ADAP1: variants seen among roughly 807,000 people sequenced by gnomAD.
ADAP1 encodes the protein ArfGAP with dual PH domains 1, also known as arf-GAP with dual PH domain-containing protein 1.
A neutral mutation model predicts 54.9 loss-of-function variants in ADAP1; 31 were observed. The observed-to-expected ratio is 0.56, with a 90% confidence interval of 0.42 to 0.76. The LOEUF (loss-of-function observed/expected upper bound fraction) is 0.76, where lower values mean the gene tolerates loss of function less well. ADAP1 is among the 30% of genes least tolerant of loss of function. The pLI, the probability that ADAP1 is intolerant of heterozygous loss-of-function variation, is 0.00. For synonymous variants in ADAP1, 313 were observed against 202.6 expected, an observed-to-expected ratio of 1.55 and a Z score of -4.63; for missense variants, 535 against 512.4, an observed-to-expected ratio of 1.04 and a Z score of -0.42.
chr7:945,670 C>G lies in ADAP1; in HGVS notation c.82+8726G>C. ...CAGCCCCCACAAACATCCAGGCTGC[C>G]AGCACCGTCTCCAGGAGCTGCCTCC... is the stretch of plus-strand genomic sequence containing the variant. On this transcript the variant is annotated intron_variant, in intron 1 of 10. Transcript: ENST00000265846. The surrounding 1 kb of genome is among the most constrained non-coding windows in gnomAD (Gnocchi z 4.2). 1.1e-6 allele frequency: 1 copy of G among 927,450 alleles called. No homozygotes were observed. The highest frequency in any genetic ancestry group is 1.3e-6 in the Non-Finnish European group (1 of 776,930). 57.5% of individuals were successfully genotyped at this position (927,450 alleles called of 1,614,324 possible). A position where few individuals can be genotyped will look rare whatever the true frequency, so the allele number is the denominator to read the frequency against.
intron 4 of ADAP1, among the ~76,000 whole-genome samples, chr7:918,341 C>T (rs767449661): frequency 1.1e-4 from 16 of 152,214 alleles, no homozygotes; most frequent in Non-Finnish European, 2.2e-4. Context: ...CTCAGCCTCC[C>T]GAGCAGCTGG....
intron 1 of ADAP1, among the ~76,000 whole-genome samples, chr7:942,520 G>A (rs866470971): frequency 3.1e-3 from 199 of 64,820 alleles, no homozygotes; most frequent in African/African-American, 0.01. Context: ...AAGGGAGAGA[G>A]GAGGAGGAAG....
At chr7:951,882 G>A (rs1321600169) in intron 1 of ADAP1, among the ~76,000 whole-genome samples, 1 of 152,208 alleles carries the variant, frequency 6.6e-6, no homozygotes, top group African/African-American at 2.4e-5. Flanking sequence ...ACTCACTGCA[G>A]CTTCCAACTC....
At position 899,423 on chromosome 7, in the gene ADAP1, G is replaced by A; in HGVS notation, c.863C>T (p.Pro288Leu). The change falls in exon 9 of 11, where the codon CCC (proline) becomes CTC (leucine). Residue 288 changes from proline to leucine, a missense_variant. Physicochemically the swap from Pro to Leu is moderately conservative, Grantham distance 98. Coordinates refer to ENST00000265846, the MANE Select transcript of ADAP1 (RefSeq NM_006869.4). ...GGGGCCACAGCTCCTCCTTACCAGGGGGTCTTTGAAGTACATGAGCCTGCG... is the reference window on the plus strand; with the variant it reads ...GGGGCCACAGCTCCTCCTTACCAGGAGGTCTTTGAAGTACATGAGCCTGCG... ...DDRRLMYFKD[P>L]LDAFARGEVF... The A allele has an allele frequency of 1.9e-6, 3 of 1,613,076 alleles. No homozygotes were observed. Among genetic ancestry groups the A allele is most frequent in the Non-Finnish European group, 2.5e-6 (3 of 1,179,884 alleles).
At chr7:948,856 C>T (rs1456151521) in intron 1 of ADAP1, among the ~76,000 whole-genome samples, 1 of 152,180 alleles carries the variant, frequency 6.6e-6, no homozygotes, top group Non-Finnish European at 1.5e-5. Flanking sequence ...GCCACCACAC[C>T]CAACTAATTT....
In ADAP1 at chr7:951,327, C is replaced by T. The variant is rs989168477; in HGVS notation, c.82+3069G>A. Among the ~76,000 whole-genome samples the T allele has an allele frequency of 1.3e-4, 19 of 150,662 alleles. No individual in the cohort carries two copies. The South Asian group carries it at 2.3e-3, about 18-fold the overall frequency. ...GGGGGAGCTTGCAGTGAGCCGAGAT[C>T]GCACCACTGCAGTCCAGCCTGGGCG... is the stretch of plus-strand genomic sequence containing the variant. On this transcript the variant is annotated intron_variant, in intron 1 of 10. Transcript: ENST00000265846.
intron 4 of ADAP1, 97 bp from the exon 5 acceptor site, chr7:905,269 A>C: frequency 5.9e-6 from 3 of 510,622 alleles, no homozygotes; most frequent in Non-Finnish European, 9.7e-6. Flanking sequence ...TGGGGAGAAG[A>C]CACGGGGGAC....
At chr7:900,067 C>G in intron 8 of ADAP1, 35 bp downstream of exon 8, 1 of 1,611,382 alleles carries the variant, frequency 6.2e-7, no homozygotes, top group Admixed American at 1.7e-5. Context: ...TGGCGTACCC[C>G]AGGCCACCCC....
At position 905,075 on chromosome 7, in the gene ADAP1, A is replaced by G. The variant is rs1407104811; in HGVS notation, c.486T>C (p.Tyr162=). The change falls in exon 5 of 11, where the codon TAT becomes TAC. Residue 162 remains tyrosine (Y), a synonymous_variant. Coordinates refer to ENST00000265846, the MANE Select transcript of ADAP1 (RefSeq NM_006869.4). ...VLTEREGALK[Y]FNRNDAKEPK... ...TGTGACTCACATCATTTCTGTTGAA[A>G]TACTTCAGAGCACCCTCTCGTTCTG... 1 of 1,611,614 alleles carries G rather than the reference A, an allele frequency of 6.2e-7. No homozygotes were observed. Among genetic ancestry groups the G allele is most frequent in the Non-Finnish European group, 8.5e-7 (1 of 1,179,878 alleles).
chr7:910,911 G>A (rs1183412293), intron 4 of ADAP1, among the ~76,000 whole-genome samples: 1 of 152,180 alleles, frequency 6.6e-6, no homozygotes, highest in Non-Finnish European at 1.5e-5. Context: ...CCCTCAGGAG[G>A]CAAACACCGG....
intron 8 of ADAP1, 66 bp from the exon 9 acceptor site, chr7:899,556 A>G (rs1844678288): frequency 1.3e-5 from 20 of 1,549,322 alleles, no homozygotes; most frequent in Non-Finnish European, 1.7e-5. Flanking sequence ...AGCTGACCAC[A>G]GCACACCCCG....
intron 4 of ADAP1, among the ~76,000 whole-genome samples, chr7:911,965 G>A (rs1034902044): frequency 1.3e-5 from 2 of 152,174 alleles, no homozygotes; most frequent in Non-Finnish European, 2.9e-5. Context: ...CATGGGCCAC[G>A]TAAAGCCTCG....
intron 4 of ADAP1, among the ~76,000 whole-genome samples, chr7:909,616 G>T (rs1203423670): frequency 1.3e-5 from 2 of 152,234 alleles, no homozygotes; most frequent in Non-Finnish European, 1.5e-5. Flanking sequence ...AGGACCTCAG[G>T]GGCCTGCAGC....
At chr7:905,758 G>GAAAGGAGA (rs1335274257) in intron 4 of ADAP1, 7 of 38,732 alleles carry the variant, frequency 1.8e-4, no homozygotes, top group Admixed American at 2.9e-4. Context: ...GGAGAAGGGA[G>GAAAGGAGA]AAGGGAGAAA....
At chr7:951,756 G>T (rs1847276802) in intron 1 of ADAP1, among the ~76,000 whole-genome samples, 1 of 152,172 alleles carries the variant, frequency 6.6e-6, no homozygotes, top group Admixed American at 6.5e-5. Flanking sequence ...AAAGAGCTCA[G>T]ACACCCCAGT....
In ADAP1 at chr7:929,121, G is replaced by A. The variant is rs180969222; in HGVS notation, c.214-2477C>T. Among the ~76,000 whole-genome samples the A allele has an allele frequency of 3.7e-4, 57 of 152,008 alleles. No individual in the cohort carries two copies. The East Asian group carries it at 0.011, about 29-fold the overall frequency. ...AGCCTGGGCAACACGGTGAGACCCC[G>A]TCTCTACTGAAAATACAAAAATTAG... On this transcript the variant is annotated intron_variant, in intron 2 of 10. Transcript: ENST00000265846.
intron 4 of ADAP1, among the ~76,000 whole-genome samples, chr7:911,600 C>T (rs1191047098): frequency 8.0e-6 from 1 of 124,566 alleles, no homozygotes; most frequent in Non-Finnish European, 1.7e-5. Context: ...AGGAAGGGGG[C>T]GGGGGTCCCA....
Position 935,316 on chromosome 7 carries a change from G to A in ADAP1, c.213+59C>T, listed in dbSNP as rs907402009. 1.0e-4 allele frequency: 155 copies of A among 1,531,934 alleles called. 1 individual carries two copies. The Admixed American group carries it at 1.5e-3, about 15-fold the overall frequency. 94.9% of individuals were successfully genotyped at this position (1,531,934 alleles called of 1,614,324 possible). On this transcript the variant is annotated intron_variant, in intron 2 of 10. Coordinates refer to ENST00000265846, the MANE Select transcript of ADAP1 (RefSeq NM_006869.4). ...GCCGCCCGGCATCTCTGGCTCCAGA[G>A]GCCCGGGCTGAGGCCACCCGGGGAC...
chr7:905,882 GA>G (rs200477552), intron 4 of ADAP1, among the ~76,000 whole-genome samples: 98 of 16,138 alleles, frequency 6.1e-3, no homozygotes, highest in Non-Finnish European at 8.8e-3. Context: ...AGGGAGAAAG[GA>G]GAAAGGAGAA....
Sources: allele counts gnomAD v4.1 joint callset (sites outside exome capture counted in the v4.1 genomes callset), GRCh38; gene constraint gnomAD v4.1.1; non-coding constraint Gnocchi (gnomAD v3.1); transcripts MANE v1.5; gene names NCBI Gene and HGNC (gene_info 2026-07-23, HGNC 2026-07-21).